KNDC1: variants seen among roughly 807,000 people sequenced by gnomAD.
KNDC1 encodes kinase non-catalytic C-lobe domain containing 1.
A neutral mutation model predicts 172.8 loss-of-function variants in KNDC1; 106 were observed. That is an observed-to-expected ratio of 0.61 (90% CI 0.52 to 0.72). The LOEUF is 0.72. KNDC1 is among the 30% of genes least tolerant of loss of function. The pLI, the probability that KNDC1 is intolerant of heterozygous loss-of-function variation, is 0.00. For missense variants in KNDC1, 2,325 were observed against 2,394.5 expected (o/e 0.97, Z 0.61); for synonymous variants, 1,083 against 1,062.2 (o/e 1.02, Z -0.38).
chr10:133,214,566 C>T (rs1289140569), intron 26 of KNDC1, among the ~76,000 whole-genome samples: 2 of 152,216 alleles, frequency 1.3e-5, no homozygotes, highest in South Asian at 2.1e-4. Flanking sequence ...CTCCGCCACA[C>T]ACCCCACTCC....
intron 9 of KNDC1, among the ~76,000 whole-genome samples, chr10:133,194,101 C>A (rs1198452196): frequency 6.6e-6 from 1 of 152,162 alleles, no homozygotes; most frequent in Non-Finnish European, 1.5e-5. Flanking sequence ...GGACACTCCA[C>A]CCAACAACAG....
Position 133,161,394 on chromosome 10 carries a change from G to A in KNDC1, c.102+825G>A, listed in dbSNP as rs116585470. Among the ~76,000 whole-genome samples, 704 of 152,320 alleles carry A rather than the reference G, an allele frequency of 4.6e-3. 5 individuals carry two copies. The highest frequency in any genetic ancestry group is 0.016 in the African/African-American group (667 of 41,576). ...ACAGCGTCGTCACCTGCAGCCATTA[G>A]TGGGATGTTGTGGCGCCCTCTCTTT... is the stretch of plus-strand genomic sequence containing the variant. On this transcript the variant is annotated intron_variant, in intron 1 of 29. Transcript: ENST00000304613.
In KNDC1 at chr10:133,224,934, G is replaced by A; in HGVS notation, c.*44G>A. 3 of 1,499,986 alleles carry A rather than the reference G, an allele frequency of 2.0e-6. No homozygotes were observed. The highest frequency in any genetic ancestry group is 2.8e-6 in the Non-Finnish European group (3 of 1,084,798). 92.9% of individuals were successfully genotyped at this position (1,499,986 alleles called of 1,614,324 possible). Reference sequence around the variant, plus strand: ...TGGAATTCCAGATCCGAATCCGACTGTGGGGGGCGGGCTGGGAGGTGGGAG... The same window carrying A: ...TGGAATTCCAGATCCGAATCCGACTATGGGGGGCGGGCTGGGAGGTGGGAG... On this transcript the variant is annotated 3_prime_UTR_variant, in exon 30 of 30. Transcript: ENST00000304613. The surrounding 1 kb of genome is among the most constrained non-coding windows in gnomAD (Gnocchi z 5.4).
chr10:133,222,212 G>C (rs1160607199), intron 29 of KNDC1, among the ~76,000 whole-genome samples: 1 of 149,102 alleles, frequency 6.7e-6, no homozygotes, highest in Admixed American at 6.7e-5. Context: ...GAACCCGGGA[G>C]GCGGAGCTTC....
At position 133,167,005 on chromosome 10, in the gene KNDC1, G is replaced by A. The variant is rs561789153; in HGVS notation, c.103-376G>A. ...CACAGTTGGGGATGTCCACTCCGTCGCCTCGCTCATCTGTTGGCAGCCTCC... is the reference window on the plus strand; with the variant it reads ...CACAGTTGGGGATGTCCACTCCGTCACCTCGCTCATCTGTTGGCAGCCTCC... On this transcript the variant is annotated intron_variant, in intron 1 of 29. Transcript: ENST00000304613. Among the ~76,000 whole-genome samples, 202 of 152,280 alleles carry A rather than the reference G, an allele frequency of 1.3e-3. 2 individuals carry two copies. Among genetic ancestry groups the A allele is most frequent in the African/African-American group, 4.7e-3 (197 of 41,560 alleles).
chr10:133,210,765 CT>C, intron 21 of KNDC1, 41 bp downstream of exon 21: 2 of 1,526,858 alleles, frequency 1.3e-6, no homozygotes, highest in African/African-American at 1.4e-5. Context: ...GAGCTTCCCC[CT>C]GGGGCAGGGT....
At chr10:133,183,832 C>T (rs763616399) in intron 4 of KNDC1, 40 bp from the exon 5 acceptor site, 6 of 1,469,202 alleles carry the variant, frequency 4.1e-6, no homozygotes, top group Non-Finnish European at 5.5e-6. Flanking sequence ...GAGATGGCCC[C>T]TCCTCCGAGC....
At chr10:133,202,147 G>A (rs1298873970) in intron 17 of KNDC1, 1 of 700,228 alleles carries the variant, frequency 1.4e-6, no homozygotes, top group South Asian at 1.5e-5. Flanking sequence ...ACAGGGAAGG[G>A]CTTTTCTCTC....
At chr10:133,216,415 T>C (rs1279692282) in intron 26 of KNDC1, among the ~76,000 whole-genome samples, 1 of 152,174 alleles carries the variant, frequency 6.6e-6, no homozygotes, top group East Asian at 1.9e-4. Flanking sequence ...CAGTGGCTGA[T>C]GCCTGTAACC....
At position 133,186,035 on chromosome 10, in the gene KNDC1, G is replaced by A. The variant is rs372353355; in HGVS notation, c.687G>A (p.Pro229=). 2.1e-4 allele frequency: 331 copies of A among 1,595,268 alleles called. No homozygotes were observed. Among genetic ancestry groups the A allele is most frequent in the Non-Finnish European group, 2.7e-4 (320 of 1,172,704 alleles). Residue 229 remains proline, a synonymous_variant, in exon 6 of 30, where the codon CCG becomes CCA. Transcript: ENST00000304613. ...PAPGNAGPRR[P]PGDPSTDPEV... ...CAGGAAACGCTGGGCCCAGGAGGCC[G>A]CCCGGGGACCCCAGCACTGACCCGG...
chr10:133,224,986 A>G lies in KNDC1; in HGVS notation c.*96A>G. The G allele has an allele frequency of 6.0e-6, 6 of 994,836 alleles. No individual in the cohort carries two copies. In the South Asian group the frequency reaches 9.0e-5, roughly 15 times the overall value. 61.6% of individuals were successfully genotyped at this position (994,836 alleles called of 1,614,324 possible). A position where few individuals can be genotyped will look rare whatever the true frequency, so the allele number is the denominator to read the frequency against. On this transcript the variant is annotated 3_prime_UTR_variant, in exon 30 of 30. Coordinates refer to ENST00000304613, the MANE Select transcript of KNDC1 (RefSeq NM_152643.8). The surrounding 1 kb of genome is among the most constrained non-coding windows in gnomAD (Gnocchi z 5.4). Reference sequence around the variant, plus strand: ...CGCGTCTCAGGCCCGGCCGTTATCAAGGCCCCTCCGCCCCCGAACCCTGGG... The same window carrying G: ...CGCGTCTCAGGCCCGGCCGTTATCAGGGCCCCTCCGCCCCCGAACCCTGGG...
intron 9 of KNDC1, among the ~76,000 whole-genome samples, chr10:133,190,384 A>G (rs1031442699): frequency 6.6e-6 from 1 of 150,430 alleles, no homozygotes. Flanking sequence ...CCTGCACTAA[A>G]CACCCTGCAG....
chr10:133,207,634 G>A (rs551967305), intron 20 of KNDC1, among the ~76,000 whole-genome samples: 24 of 152,316 alleles, frequency 1.6e-4, no homozygotes, highest in African/African-American at 4.6e-4. Flanking sequence ...ATTAACACAC[G>A]GAATGGCTTC....
At chr10:133,166,879 CTG>C (rs1285842413) in intron 1 of KNDC1, among the ~76,000 whole-genome samples, 1 of 152,176 alleles carries the variant, frequency 6.6e-6, no homozygotes, top group Non-Finnish European at 1.5e-5. Flanking sequence ...ACCGCCGTGA[CTG>C]TGTCCTCCGT....
At position 133,206,854 on chromosome 10, in the gene KNDC1, A is replaced by G. The variant is rs1255619359; in HGVS notation, c.3482-2A>G. On this transcript the variant is annotated splice_acceptor_variant, in intron 18 of 29. Transcript: ENST00000304613. LOFTEE classifies it high-confidence loss of function. Reference sequence around the variant, plus strand: ...CCCCCACCCACTCTGCTCCACCCACAGGTTCCGACGTCAAGACCATGCTGT... The same window carrying G: ...CCCCCACCCACTCTGCTCCACCCACGGGTTCCGACGTCAAGACCATGCTGT... 6.2e-7 allele frequency: 1 copy of G among 1,613,930 alleles called. No homozygotes were observed. The highest frequency in any genetic ancestry group is 8.5e-7 in the Non-Finnish European group (1 of 1,179,944).
At chr10:133,197,840 A>G in intron 12 of KNDC1, 72 bp downstream of exon 12, 2 of 1,176,900 alleles carry the variant, frequency 1.7e-6, no homozygotes, top group Non-Finnish European at 2.5e-6. Context: ...CCACCTCTGC[A>G]TGGACAGACA....
rs1265488191 is a variant in KNDC1 at position 133,201,529 on chromosome 10, C to T, written c.3018C>T (p.Thr1006=). 1.2e-6 allele frequency: 2 copies of T among 1,608,730 alleles called. No homozygotes were observed. Among genetic ancestry groups the T allele is most frequent in the Admixed American group, 3.4e-5 (2 of 59,354 alleles). Residue 1006 remains threonine (T), a synonymous_variant, in exon 17 of 30, where the codon ACC becomes ACT. Coordinates refer to ENST00000304613, the MANE Select transcript of KNDC1 (RefSeq NM_152643.8). ...LGKEKPAMAR[T]SSRAPCSPTS... ...AAGAGAAGCCAGCCATGGCCAGGAC[C>T]AGCAGCAGGGCCCCCTGCTCACCCA...
At chr10:133,186,744 C>A in intron 6 of KNDC1, 70 bp downstream of exon 6, 2 of 1,062,602 alleles carry the variant, frequency 1.9e-6, no homozygotes, top group Non-Finnish European at 2.7e-6. Flanking sequence ...GGCCTCTCCA[C>A]AGATGCAAAC....
intron 1 of KNDC1, among the ~76,000 whole-genome samples, chr10:133,166,753 G>T (rs1439597468): frequency 6.6e-6 from 1 of 152,044 alleles, no homozygotes; most frequent in African/African-American, 2.4e-5. Flanking sequence ...GTGCATGGGG[G>T]GGGTGTGGGT....
Sources: gnomAD v4.1 joint callset for allele counts (sites outside exome capture counted in the v4.1 genomes callset) on GRCh38, gnomAD v4.1.1 for gene constraint, Gnocchi (gnomAD v3.1) non-coding constraint, MANE v1.5 for transcripts, NCBI Gene and HGNC (gene_info 2026-07-23, HGNC 2026-07-21) for gene names.